RNF217: variants seen among roughly 807,000 people sequenced by gnomAD.
RNF217 encodes E3 ubiquitin-protein ligase RNF217.
A neutral mutation model predicts 57.8 loss-of-function variants in RNF217; 31 were observed. That is an observed-to-expected ratio of 0.54 (90% CI 0.40 to 0.72). The LOEUF is 0.72. Ranked by LOEUF, RNF217 falls within the 30% of genes least tolerant of loss-of-function variation. The pLI is 0.00. For missense variants in RNF217, 696 were observed against 708.3 expected, an observed-to-expected ratio of 0.98 and a Z score of 0.20; for synonymous variants, 313 against 294.0, an observed-to-expected ratio of 1.06 and a Z score of -0.66.
In RNF217 at chr6:125,045,348, T is replaced by G. The variant is rs537812366; in HGVS notation, c.1020T>G (p.Asp340Glu). The G allele has an allele frequency of 3.1e-6, 5 of 1,613,430 alleles. No individual in the cohort carries two copies. The highest frequency in any genetic ancestry group is 4.2e-6 in the Non-Finnish European group (5 of 1,179,658). Residue 340 changes from aspartate (D) to glutamate (E), a missense_variant, in exon 2 of 6, where the codon GAT (aspartate) becomes GAG (glutamate). By Grantham distance (45) the Asp-to-Glu change is conservative. Coordinates refer to ENST00000521654, the MANE Select transcript of RNF217 (RefSeq NM_001286398.3). Reference protein sequence around the residue: ...YKYFLELGRIDSSTKPCPQCK... With the variant: ...YKYFLELGRIESSTKPCPQCK... ...ACTTCTTGGAACTTGGCCGTATTGA[T>G]TCCAGCACCAAGCCATGTCCTCAGT...
Position 125,088,894 on chromosome 6 carries a change from A to T in RNF217, c.*5957A>T, listed in dbSNP as rs973030818. ...TGAAATGATACCCACATACTACAAC[A>T]TCAAGCTCCTTTTTCTCTTAAATTT... On this transcript the variant is annotated 3_prime_UTR_variant, in exon 6 of 6. Transcript: ENST00000521654. 5 of 152,526 alleles carry T rather than the reference A, an allele frequency of 3.3e-5. No individual in the cohort carries two copies. The highest frequency in any genetic ancestry group is 5.9e-5 in the Non-Finnish European group (4 of 68,010). 9.4% of individuals were successfully genotyped at this position (152,526 alleles called of 1,614,324 possible). A position where few individuals can be genotyped will look rare whatever the true frequency, so the allele number is the denominator to read the frequency against.
At chr6:125,019,940 G>T (rs1472260816) in intron 1 of RNF217, among the ~76,000 whole-genome samples, 1 of 152,088 alleles carries the variant, frequency 6.6e-6, no homozygotes, top group Non-Finnish European at 1.5e-5. Context: ...AGCTTAGTCA[G>T]CTTTGTGGAG....
chr6:124,965,079 A>C (rs1404316397), intron 1 of RNF217, among the ~76,000 whole-genome samples: 2 of 152,112 alleles, frequency 1.3e-5, no homozygotes, highest in African/African-American at 4.8e-5. Context: ...ATTAAACCTC[A>C]TAAGTTAGTT....
intron 1 of RNF217, among the ~76,000 whole-genome samples, chr6:124,984,720 G>T (rs1784312360): frequency 6.6e-6 from 1 of 151,954 alleles, no homozygotes; most frequent in Non-Finnish European, 1.5e-5. Context: ...AATTTTAAGT[G>T]TACTAGTAGA....
chr6:125,009,806 A>G (rs911595399), intron 1 of RNF217, among the ~76,000 whole-genome samples: 1 of 152,168 alleles, frequency 6.6e-6, no homozygotes, highest in Non-Finnish European at 1.5e-5. Flanking sequence ...AACTATTTAT[A>G]TCATCTCAAT....
chr6:125,022,315 A>T (rs1785876137), intron 1 of RNF217, among the ~76,000 whole-genome samples: 1 of 152,216 alleles, frequency 6.6e-6, no homozygotes, highest in Non-Finnish European at 1.5e-5. Context: ...TAGCTCCATT[A>T]TATACAGTAC....
At chr6:125,027,863 G>A (rs1786174550) in intron 1 of RNF217, among the ~76,000 whole-genome samples, 1 of 152,112 alleles carries the variant, frequency 6.6e-6, no homozygotes, top group Non-Finnish European at 1.5e-5. Context: ...GGGGTGAGAC[G>A]GTATCTCTTG....
At position 125,076,801 on chromosome 6, in the gene RNF217, T is replaced by C; in HGVS notation, c.1426T>C (p.Tyr476His). 6.2e-7 allele frequency: 1 copy of C among 1,613,628 alleles called. No individual in the cohort carries two copies. The highest frequency in any genetic ancestry group is 1.1e-5 in the South Asian group (1 of 91,076). The stretch of plus-strand genomic sequence containing the variant: ...AAACCTCAGTATATTTGGATGCAAA[T>C]ATCGCTACCTCCCAGAGAGACCTCA... ...TSNLSIFGCK[Y>H]RYLPERPHLR... Residue 476 changes from tyrosine to histidine, a missense_variant, in exon 4 of 6, where the codon TAT becomes CAT. Transcript: ENST00000521654.
At chr6:125,026,683 A>C (rs1330130793) in intron 1 of RNF217, among the ~76,000 whole-genome samples, 1 of 152,204 alleles carries the variant, frequency 6.6e-6, no homozygotes, top group Non-Finnish European at 1.5e-5. Context: ...GTGCTATACA[A>C]GTCAGCTTTT....
At chr6:124,968,859 G>A (rs886550686) in intron 1 of RNF217, among the ~76,000 whole-genome samples, 1 of 152,088 alleles carries the variant, frequency 6.6e-6, no homozygotes, top group Admixed American at 6.5e-5. Flanking sequence ...ATACCTGAGC[G>A]GTAATTTCTT....
At chr6:124,980,776 A>G (rs567120169) in intron 1 of RNF217, among the ~76,000 whole-genome samples, 1 of 152,180 alleles carries the variant, frequency 6.6e-6, no homozygotes, top group Non-Finnish European at 1.5e-5. Context: ...CCCTCCCTCC[A>G]TACTTTGATT....
Position 124,962,752 on chromosome 6 carries a change from G to A in RNF217, c.208G>A (p.Ala70Thr). Residue 70 changes from alanine to threonine, a missense_variant, in exon 1 of 6, where the codon GCG becomes ACG. Ala to Thr is a moderately conservative substitution (Grantham distance 58). Coordinates refer to ENST00000521654, the MANE Select transcript of RNF217 (RefSeq NM_001286398.3). The surrounding 1 kb of genome is among the most constrained non-coding windows in gnomAD (Gnocchi z 4.6). ...CGCGGACACCAGCGCCCCAGAGCCC[G>A]CGAGGAGCCTGGGGCCCCCGGGCTG... ...GCADTSAPEP[A>T]RSLGPPGWSK... 1 of 1,588,484 alleles carries A rather than the reference G, an allele frequency of 6.3e-7. No homozygotes were observed. The highest frequency in any genetic ancestry group is 8.5e-7 in the Non-Finnish European group (1 of 1,176,080).
chr6:125,024,503 A>G (rs1439940531), intron 1 of RNF217, among the ~76,000 whole-genome samples: 1 of 151,860 alleles, frequency 6.6e-6, no homozygotes, highest in East Asian at 1.9e-4. Flanking sequence ...GGATCACCTG[A>G]GCTCAGGAGT....
chr6:125,019,809 T>G (rs1344993112), intron 1 of RNF217, among the ~76,000 whole-genome samples: 1 of 145,616 alleles, frequency 6.9e-6, no homozygotes, highest in African/African-American at 2.5e-5. Flanking sequence ...CCTGCTCTCT[T>G]GCTTGATGTC....
intron 5 of RNF217, chr6:125,082,448 G>C (rs1292652182): frequency 6.2e-7 from 1 of 1,607,702 alleles, no homozygotes; most frequent in Non-Finnish European, 8.5e-7. Flanking sequence ...GTATTATACA[G>C]TTGAGGAAAT....
rs1448559077 is a variant in RNF217, at chr6:125,084,326, A to G, written c.*1389A>G. 1 of 151,896 alleles carries G rather than the reference A, an allele frequency of 6.6e-6. No individual in the cohort carries two copies. Among genetic ancestry groups the G allele is most frequent in the South Asian group, 2.1e-4 (1 of 4,836 alleles). The allele number at this position is 151,896 out of a possible 1,614,324, so 9.4% of individuals were successfully genotyped here. A position where few individuals can be genotyped will look rare whatever the true frequency, so the allele number is the denominator to read the frequency against. Reference sequence around the variant, plus strand: ...TCAGGAAGTTTTTCTCAACCTACAAAAGCTTTAAAAATAAGAAATTGACAA... The same window carrying G: ...TCAGGAAGTTTTTCTCAACCTACAAGAGCTTTAAAAATAAGAAATTGACAA... On this transcript the variant is annotated 3_prime_UTR_variant, in exon 6 of 6. Transcript: ENST00000521654.
intron 1 of RNF217, among the ~76,000 whole-genome samples, chr6:124,965,897 C>T (rs1302806105): frequency 6.6e-6 from 1 of 152,138 alleles, no homozygotes; most frequent in Non-Finnish European, 1.5e-5. Flanking sequence ...CAGAAGTTTT[C>T]ACATTATTTG....
intron 1 of RNF217, among the ~76,000 whole-genome samples, chr6:125,008,052 C>G (rs1161217933): frequency 6.6e-6 from 1 of 151,990 alleles, no homozygotes; most frequent in Non-Finnish European, 1.5e-5. Flanking sequence ...GTCAGTAGAT[C>G]AAGACCATCC....
chr6:125,070,399 G>A (rs899679548), intron 3 of RNF217, among the ~76,000 whole-genome samples: 1 of 152,160 alleles, frequency 6.6e-6, no homozygotes. Context: ...TCAAATGATA[G>A]CTTTACTTTT....
Sources: allele counts gnomAD v4.1 joint callset (sites outside exome capture counted in the v4.1 genomes callset), GRCh38; gene constraint gnomAD v4.1.1; non-coding constraint Gnocchi (gnomAD v3.1); transcripts MANE v1.5; gene names NCBI Gene and HGNC (gene_info 2026-07-23, HGNC 2026-07-21).